The following DLG3 variants were observed in gnomAD, a reference collection of about 807,000 sequenced individuals.
DLG3 encodes the protein discs large MAGUK scaffold protein 3.
In DLG3, 1 loss-of-function variant was observed where a neutral mutation model predicts 64.1. That is an observed-to-expected ratio of 0.02 (90% CI 0.01 to 0.07). The LOEUF (loss-of-function observed/expected upper bound fraction) is 0.07. Ranked by LOEUF, DLG3 falls within the 10% of genes least tolerant of loss-of-function variation. The pLI, the probability that DLG3 is intolerant of heterozygous loss-of-function variation, is 1.00. For synonymous variants in DLG3, 245 were observed against 259.8 expected (o/e 0.94, Z 0.55); for missense variants, 429 against 669.5 (o/e 0.64, Z 3.96).
intron 13 of DLG3, among the ~76,000 whole-genome samples, chrX:70,497,449 A>G (rs1391820434): frequency 1.8e-5 from 2 of 112,659 alleles, no homozygotes; most frequent in African/African-American, 6.4e-5. Flanking sequence ...CCGGGACCTG[A>G]CTTAAAAGCA....
At chrX:70,482,981 T>A (rs1468106850) in intron 10 of DLG3, among the ~76,000 whole-genome samples, 1 of 110,810 alleles carries the variant, frequency 9.0e-6, no homozygotes, top group Non-Finnish European at 1.9e-5. Flanking sequence ...AAAATATATG[T>A]TTTTAACAAG....
intron 1 of DLG3, 30 bp downstream of exon 1, chrX:70,445,588 G>C: frequency 8.7e-7 from 1 of 1,153,015 alleles, no homozygotes; most frequent in Non-Finnish European, 1.2e-6. Context: ...GGAGCGGTGG[G>C]GCAACCCAGG....
chrX:70,485,222 C>A (rs763279740), intron 10 of DLG3, among the ~76,000 whole-genome samples: 1 of 111,562 alleles, frequency 9.0e-6, no homozygotes, highest in South Asian at 3.8e-4. Context: ...GTCTCACCCA[C>A]CATTCACAAG....
Position 70,482,662 on chromosome X carries a change from G to GTTTTTTTTTTTTTTT in DLG3, c.1520+3407_1520+3421dup. The stretch of plus-strand genomic sequence containing the variant: ...AGGTTTGGGAAAATACATGTGTGGT[G>GTTTTTTTTTTTTTTT]TTTTTTTTTTTTTTTTTTTTTTTGA... On this transcript the variant is annotated intron_variant, in intron 10 of 18. Transcript: ENST00000374360. Among the ~76,000 whole-genome samples the GTTTTTTTTTTTTTTT allele has an allele frequency of 2.0e-3, 132 of 66,061 alleles. 13 individuals carry two copies. The highest frequency in any genetic ancestry group is 3.0e-3 in the Non-Finnish European group (111 of 36,544). The allele number at this position is 66,061 out of a possible 115,157, so 57.4% of individuals were successfully genotyped here.
chrX:70,450,488 C>T, intron 5 of DLG3, 151 bp from the exon 6 acceptor site: 2 of 910,436 alleles, frequency 2.2e-6, no homozygotes, highest in Non-Finnish European at 3.1e-6. Flanking sequence ...GGGTCTTGCC[C>T]TATCCCCTAC....
intron 18 of DLG3, among the ~76,000 whole-genome samples, chrX:70,501,788 A>C (rs1198314680): frequency 8.9e-6 from 1 of 112,025 alleles, no homozygotes; most frequent in Non-Finnish European, 1.9e-5. Context: ...AGGCTGCTTT[A>C]GAATAACAAG....
rs1015956339 is a variant in DLG3, at chrX:70,493,255, G to A, written c.1773+659G>A. On this transcript the variant is annotated intron_variant, in intron 12 of 18. Coordinates refer to ENST00000374360, the MANE Select transcript of DLG3 (RefSeq NM_021120.4). ...AATCTCATAGACTCCATTTGTGAGA[G>A]ATGGTCTTTTATTTAGCTCACCGTT... 5.3e-6 allele frequency: 3 copies of A among 565,834 alleles called. No homozygotes were observed. The African/African-American group carries it at 7.0e-5, about 13-fold the overall frequency. 46.6% of individuals were successfully genotyped at this position (565,834 alleles called of 1,213,427 possible). A position where few individuals can be genotyped will look rare whatever the true frequency, so the allele number is the denominator to read the frequency against.
At chrX:70,482,662 G>GTTTTTTTTTTTTT (rs774419870) in intron 10 of DLG3, among the ~76,000 whole-genome samples, 800 of 65,982 alleles carry the variant, frequency 0.012, 65 homozygotes, top group Middle Eastern at 0.041. Context: ...CATGTGTGGT[G>GTTTTTTTTTTTTT]TTTTTTTTTT....
At chrX:70,461,574 CTTTTT>C (rs66468617) in intron 9 of DLG3, among the ~76,000 whole-genome samples, 1 of 100,952 alleles carries the variant, frequency 9.9e-6, no homozygotes. Context: ...AGGGCCCCCC[CTTTTT>C]TTTTTTTTTG....
Position 70,498,604 on chromosome X carries a change from G to T in DLG3, c.1870+34G>T, listed in dbSNP as rs200759985. ...CCTCTGAGAGCCTTGTCTTCGTGCT[G>T]GTCTCCTGGTCGTGGGGCTCAATAC... On this transcript the variant is annotated intron_variant, in intron 14 of 18. Transcript: ENST00000374360. 8 of 1,165,467 alleles carry T rather than the reference G, an allele frequency of 6.9e-6. No individual in the cohort carries two copies. In the African/African-American group the frequency reaches 1.4e-4, roughly 21 times the overall value.
chrX:70,455,272 G>T, intron 9 of DLG3: 1 of 754,413 alleles, frequency 1.3e-6, no homozygotes, highest in African/African-American at 2.3e-5. Context: ...AGGTGAGGTG[G>T]GGCGGACGGG....
intron 9 of DLG3, among the ~76,000 whole-genome samples, chrX:70,473,092 G>A (rs1435046689): frequency 9.6e-6 from 1 of 104,359 alleles, no homozygotes; most frequent in African/African-American, 3.6e-5. Flanking sequence ...AGGAGGTGGA[G>A]GTTGCAGTGA....
At chrX:70,486,669 T>TTTTTTTTTTTTTTTTTTTTTTTTTC in intron 10 of DLG3, among the ~76,000 whole-genome samples, 1 of 102,031 alleles carries the variant, frequency 9.8e-6, no homozygotes. Context: ...TTTTTTTTTT[T>TTTTTTTTTTTTTTTTTTTTTTTTTC]CATGCTCACT....
rs1477035790 is a variant in DLG3, at chrX:70,504,113, C to T, written c.*1844C>T. Reference sequence around the variant, plus strand: ...CAGGATGAGGATAAGGAAAGGACAGCGGCTTTCCCTGGGCAGTACAATGGC... The same window carrying T: ...CAGGATGAGGATAAGGAAAGGACAGTGGCTTTCCCTGGGCAGTACAATGGC... On this transcript the variant is annotated 3_prime_UTR_variant, in exon 19 of 19. Coordinates refer to ENST00000374360, the MANE Select transcript of DLG3 (RefSeq NM_021120.4). The T allele has an allele frequency of 1.8e-5, 2 of 111,861 alleles. No homozygotes were observed. Among genetic ancestry groups the T allele is most frequent in the African/African-American group, 6.5e-5 (2 of 30,656 alleles). 9.2% of individuals were successfully genotyped at this position (111,861 alleles called of 1,213,427 possible). A position where few individuals can be genotyped will look rare whatever the true frequency, so the allele number is the denominator to read the frequency against.
Position 70,482,660 on chromosome X carries a change from G to GTTTTTTTTTT in DLG3, c.1520+3397_1520+3398insTTTTTTTTTT, listed in dbSNP as rs200729766. On this transcript the variant is annotated intron_variant, in intron 10 of 18. Transcript: ENST00000374360. ...TCAGGTTTGGGAAAATACATGTGTG[G>GTTTTTTTTTT]TGTTTTTTTTTTTTTTTTTTTTTTT... is the stretch of plus-strand genomic sequence containing the variant. 1.1e-3 allele frequency among the ~76,000 whole-genome samples: 73 copies of GTTTTTTTTTT among 69,223 alleles called. 2 individuals carry two copies. Among genetic ancestry groups the GTTTTTTTTTT allele is most frequent in the Admixed American group, 2.9e-3 (16 of 5,458 alleles). The allele number at this position is 69,223 out of a possible 115,157, so 60.1% of individuals were successfully genotyped here. A position where few individuals can be genotyped will look rare whatever the true frequency, so the allele number is the denominator to read the frequency against.
At chrX:70,446,094 C>T (rs1357502124) in intron 1 of DLG3, among the ~76,000 whole-genome samples, 1 of 110,952 alleles carries the variant, frequency 9.0e-6, no homozygotes, top group African/African-American at 3.3e-5. Context: ...CCGTCCCAGT[C>T]CCTTTGTGTG....
chrX:70,484,708 G>C (rs1265881181), intron 10 of DLG3, among the ~76,000 whole-genome samples: 1 of 111,937 alleles, frequency 8.9e-6, no homozygotes, highest in Non-Finnish European at 1.9e-5. Context: ...ATCTGCAAGT[G>C]CTGTGAGCCC....
intron 13 of DLG3, among the ~76,000 whole-genome samples, chrX:70,496,302 G>C (rs948378283): frequency 8.9e-6 from 1 of 112,444 alleles, no homozygotes; most frequent in Non-Finnish European, 1.9e-5. Context: ...CTTTCTGGGT[G>C]GGGGGGCCAC....
chrX:70,482,828 C>T (rs1205065580), intron 10 of DLG3, among the ~76,000 whole-genome samples: 2 of 107,842 alleles, frequency 1.9e-5, no homozygotes, highest in Non-Finnish European at 3.8e-5. Flanking sequence ...CCACCACACC[C>T]GGCTGATTTT....
Sources: gnomAD v4.1 joint callset for allele counts (sites outside exome capture counted in the v4.1 genomes callset) on GRCh38, gnomAD v4.1.1 for gene constraint, MANE v1.5 for transcripts, NCBI Gene and HGNC (gene_info 2026-07-23, HGNC 2026-07-21) for gene names.